The following EVC variants were observed in gnomAD, a reference collection of about 807,000 sequenced individuals.
The protein encoded by EVC is EvC ciliary complex subunit 1.
In EVC, 116 loss-of-function variants were observed where a neutral mutation model predicts 118.9. The observed-to-expected ratio is 0.98, with a 90% CI of 0.84 to 1.14. The LOEUF (loss-of-function observed/expected upper bound fraction) is 1.14. EVC is among the 50% of genes most tolerant of loss of function. EVC has a pLI of 0.00. For synonymous variants in EVC, 619 were observed against 534.7 expected (o/e 1.16, Z -2.18); for missense variants, 1,401 against 1,246.4 (o/e 1.12, Z -1.87).
At chr4:5,758,631 A>C (rs554715893) in intron 11 of EVC, among the ~76,000 whole-genome samples, 61 of 152,292 alleles carry the variant, frequency 4.0e-4, no homozygotes, top group African/African-American at 1.4e-3. Flanking sequence ...TCTTCCTCTG[A>C]GTGCTAACAT....
In EVC at chr4:5,762,052, C is replaced by T. The variant is rs1240770362; in HGVS notation, c.1563+5690C>T. ...TATCTCCCAGTGCTATCCCTCCCCC[C>T]ACCCCCACCCCACATCAGTCCCCAG... On this transcript the variant is annotated intron_variant, in intron 11 of 20. Transcript: ENST00000264956. 2.7e-3 allele frequency among the ~76,000 whole-genome samples: 351 copies of T among 129,890 alleles called. 6 individuals are homozygous for T. The highest frequency in any genetic ancestry group is 9.8e-3 in the African/African-American group (327 of 33,480). 85.2% of individuals were successfully genotyped at this position (129,890 alleles called of 152,430 possible).
At chr4:5,787,981 T>A (rs1712020211) in intron 12 of EVC, among the ~76,000 whole-genome samples, 1 of 152,178 alleles carries the variant, frequency 6.6e-6, no homozygotes, top group Admixed American at 6.5e-5. Flanking sequence ...ACTCTCTTGC[T>A]TCTCCTCCCA....
At chr4:5,780,217 A>T (rs950460040) in intron 11 of EVC, among the ~76,000 whole-genome samples, 1 of 152,212 alleles carries the variant, frequency 6.6e-6, no homozygotes, top group African/African-American at 2.4e-5. Context: ...GCACATCAAA[A>T]AGCTTATCCA....
intron 8 of EVC, among the ~76,000 whole-genome samples, chr4:5,748,988 G>T (rs190101390): frequency 6.6e-6 from 1 of 152,006 alleles, no homozygotes; most frequent in African/African-American, 2.4e-5. Context: ...AACCTGGCTG[G>T]GCATTGGGGT....
intron 11 of EVC, among the ~76,000 whole-genome samples, chr4:5,759,192 G>A (rs73795064): frequency 0.021 from 3,229 of 152,200 alleles, 115 homozygotes; most frequent in African/African-American, 0.073. Context: ...TATTATAATG[G>A]CGCAGAGGGT....
At chr4:5,717,323 GTTGT>G (rs1560270282) in intron 1 of EVC, among the ~76,000 whole-genome samples, 1 of 151,990 alleles carries the variant, frequency 6.6e-6, no homozygotes, top group African/African-American at 2.4e-5. Flanking sequence ...TAATATTTTA[GTTGT>G]TTATTTGTTT....
the EVC span, chr4:5,827,934 G>C: frequency 1.6e-6 from 1 of 633,780 alleles, no homozygotes. Flanking sequence ...CCCTTTGACA[G>C]ATGTCCTGAG....
intron 11 of EVC, among the ~76,000 whole-genome samples, chr4:5,779,265 C>T (rs1235345299): frequency 6.6e-6 from 1 of 152,138 alleles, no homozygotes; most frequent in Non-Finnish European, 1.5e-5. Context: ...AGTTTGAAGT[C>T]AGGTAGCGTG....
chr4:5,748,201 G>T lies in EVC; in HGVS notation c.993G>T (p.Gln331His), dbSNP rs1729658012. 6.2e-7 allele frequency: 1 copy of T among 1,614,170 alleles called. No individual in the cohort carries two copies. The highest frequency in any genetic ancestry group is 8.5e-7 in the Non-Finnish European group (1 of 1,180,038). Residue 331 changes from glutamine to histidine, a missense_variant, in exon 8 of 21, where the codon CAG becomes CAT. By Grantham distance (24) the Gln-to-His change is conservative. Coordinates refer to ENST00000264956, the MANE Select transcript of EVC (RefSeq NM_153717.3). Reference protein sequence around the residue: ...MANIQHFLVDQFKCSSSKARQ... With the variant: ...MANIQHFLVDHFKCSSSKARQ... ...ATATCCAGCACTTTCTTGTGGACCA[G>T]TTTAAGTGTTCCAGCTCCAAAGCCC...
intron 7 of EVC, among the ~76,000 whole-genome samples, chr4:5,745,804 C>T (rs1230754291): frequency 6.6e-6 from 1 of 152,196 alleles, no homozygotes; most frequent in African/African-American, 2.4e-5. Flanking sequence ...GGCACTTGCT[C>T]TTCACCAGGG....
At chr4:5,732,902 C>T (rs1186370473) in intron 4 of EVC, among the ~76,000 whole-genome samples, 1 of 152,076 alleles carries the variant, frequency 6.6e-6, no homozygotes, top group African/African-American at 2.4e-5. Flanking sequence ...CCGAGCTACA[C>T]GGGAGGCTGA....
At chr4:5,748,084 C>T in intron 7 of EVC, 64 bp from the exon 8 acceptor site, 2 of 1,529,842 alleles carry the variant, frequency 1.3e-6, no homozygotes, top group South Asian at 2.2e-5. Flanking sequence ...CCCGAGCACG[C>T]ACCGTTTGGC....
At chr4:5,790,203 A>G (rs920675573) in intron 12 of EVC, among the ~76,000 whole-genome samples, 1 of 150,996 alleles carries the variant, frequency 6.6e-6, no homozygotes, top group Non-Finnish European at 1.5e-5. Flanking sequence ...AAAGACAACG[A>G]TGACTGTGCA....
chr4:5,825,775 T>G, the EVC span: 2 of 967,868 alleles, frequency 2.1e-6, no homozygotes, highest in Non-Finnish European at 3.1e-6. The surrounding 1 kb of genome is among the most constrained non-coding windows in gnomAD (Gnocchi z 4.4). Context: ...CAAATGTGCA[T>G]GCACACACAC....
Position 5,743,482 on chromosome 4 carries a change from AC to A in EVC, c.801+1670del, listed in dbSNP as rs1188172048. 6.6e-6 allele frequency among the ~76,000 whole-genome samples: 1 copy of A among 152,034 alleles called. No individual in the cohort carries two copies. The highest frequency in any genetic ancestry group is 1.5e-5 in the Non-Finnish European group (1 of 68,018). On this transcript the variant is annotated intron_variant, in intron 6 of 20. Coordinates refer to ENST00000264956, the MANE Select transcript of EVC (RefSeq NM_153717.3). This position sits in a 1 kb window ranked among gnomAD's most constrained non-coding sequence, Gnocchi z 4.7. ...TGTTGTGATAGTCTTCATCAGCACC[AC>A]CATCATCACCATCTTCATCAGCACC...
chr4:5,820,743 A>G, the EVC span: 1 of 152,286 alleles, frequency 6.6e-6, no homozygotes, highest in African/African-American at 2.4e-5. Flanking sequence ...TTCGTACCCA[A>G]TCCAGACACC....
rs888364032 is a variant in EVC at position 5,749,051 on chromosome 4, G to A, written c.1098+745G>A. Reference sequence around the variant, plus strand: ...GGAGCTGGGGTTGACGCCCACTGGTGTAGACAGAGCATTGATTGACTTTCC... The same window carrying A: ...GGAGCTGGGGTTGACGCCCACTGGTATAGACAGAGCATTGATTGACTTTCC... On this transcript the variant is annotated intron_variant, in intron 8 of 20. Transcript: ENST00000264956. This position sits in a 1 kb window ranked among gnomAD's most constrained non-coding sequence, Gnocchi z 4.4. 6.6e-5 allele frequency among the ~76,000 whole-genome samples: 10 copies of A among 152,068 alleles called. No individual in the cohort carries two copies. Among genetic ancestry groups the A allele is most frequent in the African/African-American group, 2.4e-4 (10 of 41,412 alleles).
downstream of EVC, among the ~76,000 whole-genome samples, chr4:5,814,779 T>C (rs112722088): frequency 0.041 from 6,183 of 149,188 alleles, 314 homozygotes; most frequent in African/African-American, 0.12. Context: ...TCCCCAGCCC[T>C]CTGCCCAGTG....
At chr4:5,751,506 C>T (rs11729324) in intron 8 of EVC, among the ~76,000 whole-genome samples, 10,081 of 152,328 alleles carry the variant, frequency 0.066, 483 homozygotes, top group Non-Finnish European at 0.094. Context: ...TCACGGGCTG[C>T]TGGAATGAGC....
Sources: gnomAD v4.1 joint callset for allele counts (sites outside exome capture counted in the v4.1 genomes callset) on GRCh38, gnomAD v4.1.1 for gene constraint, Gnocchi (gnomAD v3.1) non-coding constraint, MANE v1.5 for transcripts, NCBI Gene and HGNC (gene_info 2026-07-23, HGNC 2026-07-21) for gene names.